Variants in FXR1 observed in about 807,000 individuals in gnomAD.
FXR1 encodes FMR1 autosomal homolog 1, also known as RNA-binding protein FXR1.
FXR1 carries 15 observed loss-of-function variants against 84.0 expected under a neutral mutation model. That is an observed-to-expected ratio of 0.18 (90% CI 0.12 to 0.27). The LOEUF (loss-of-function observed/expected upper bound fraction) is 0.27, where lower values mean the gene tolerates loss of function less well. Among genes scored for constraint, FXR1 ranks in the 10% least tolerant of loss-of-function variants. The probability of loss-of-function intolerance (pLI) is 1.00; values close to 1 mark genes in which losing one functional copy is unlikely to be tolerated. For synonymous variants in FXR1, 245 were observed against 250.7 expected, an observed-to-expected ratio of 0.98 and a Z score of 0.21; for missense variants, 480 against 774.4, an observed-to-expected ratio of 0.62 and a Z score of 4.51.
chr3:180,929,406 CATT>C (rs1162279449), intron 1 of FXR1, among the ~76,000 whole-genome samples: 3 of 152,082 alleles, frequency 2.0e-5, no homozygotes, highest in South Asian at 2.1e-4. Flanking sequence ...CAAATGTAAA[CATT>C]ATTGGACTGT....
At chr3:180,957,953 C>T (rs749861166) in intron 10 of FXR1, 25 bp downstream of exon 10, 1 of 1,063,514 alleles carries the variant, frequency 9.4e-7, no homozygotes, top group Non-Finnish European at 1.4e-6. Context: ...TGTAATCTGC[C>T]TCTTTAAAAT....
At chr3:180,914,322 A>C (rs1481962176) in intron 1 of FXR1, among the ~76,000 whole-genome samples, 1 of 152,116 alleles carries the variant, frequency 6.6e-6, no homozygotes, top group Admixed American at 6.6e-5. Context: ...AGACTTATCT[A>C]TGTTTTTCCT....
At chr3:180,956,430 G>A (rs1371364075) in intron 9 of FXR1, among the ~76,000 whole-genome samples, 1 of 152,172 alleles carries the variant, frequency 6.6e-6, no homozygotes, top group Non-Finnish European at 1.5e-5. Flanking sequence ...TTGCAGGTAG[G>A]TTCCTGCCAA....
chr3:180,923,927 G>T (rs1346238892), intron 1 of FXR1, among the ~76,000 whole-genome samples: 1 of 152,050 alleles, frequency 6.6e-6, no homozygotes, highest in African/African-American at 2.4e-5. Context: ...TGATCACCCA[G>T]ATCTGGGAGA....
At position 180,935,179 on chromosome 3, in the gene FXR1, T is replaced by TACC. The variant is rs760397016; in HGVS notation, c.156_158dup (p.Pro53dup). ...CAGGTTCCATTTAATGAAGTTAGAT[T>TACC]ACCACCACCACCTGATATAAAAAAA... is the stretch of plus-strand genomic sequence containing the variant. On this transcript the variant is annotated inframe_insertion, in exon 3 of 17. Transcript: ENST00000357559. 2 of 1,585,246 alleles carry TACC rather than the reference T, an allele frequency of 1.3e-6. No homozygotes were observed. Among genetic ancestry groups the TACC allele is most frequent in the Non-Finnish European group, 1.7e-6 (2 of 1,154,046 alleles).
chr3:180,914,697 AT>A, intron 1 of FXR1: 3 of 779,210 alleles, frequency 3.9e-6, no homozygotes, highest in Non-Finnish European at 4.7e-6. Flanking sequence ...ACTCTGAAGT[AT>A]TTATAATTGA....
chr3:180,950,602 T>C (rs1243763491), intron 7 of FXR1, among the ~76,000 whole-genome samples: 2 of 152,178 alleles, frequency 1.3e-5, no homozygotes, highest in African/African-American at 4.8e-5. Flanking sequence ...TCTCATCTTG[T>C]AAAACTGCAA....
intron 1 of FXR1, among the ~76,000 whole-genome samples, chr3:180,925,970 C>T (rs1309880988): frequency 6.6e-6 from 1 of 152,126 alleles, no homozygotes; most frequent in African/African-American, 2.4e-5. Context: ...AGGAAAGACC[C>T]TTCACTATCT....
intron 1 of FXR1, among the ~76,000 whole-genome samples, chr3:180,916,976 A>G (rs905752509): frequency 1.3e-5 from 2 of 152,134 alleles, no homozygotes; most frequent in African/African-American, 4.8e-5. Flanking sequence ...CTGGTATTTC[A>G]GGGACGCACC....
intron 1 of FXR1, 146 bp downstream of exon 1, chr3:180,912,882 C>A: frequency 6.9e-7 from 1 of 1,442,678 alleles, no homozygotes. Flanking sequence ...CTTCTCCCCC[C>A]TCCACCCGCG....
rs1711548138 is a variant in FXR1, at chr3:180,957,985, A to G, written c.990+57A>G. ...AAATGTCCTTTTTTTGGCCAACTTAATAGTTGTAAACATTTTGTCTGTTTT... is the reference window on the plus strand; with the variant it reads ...AAATGTCCTTTTTTTGGCCAACTTAGTAGTTGTAAACATTTTGTCTGTTTT... On this transcript the variant is annotated intron_variant, in intron 10 of 16. Coordinates refer to ENST00000357559, the MANE Select transcript of FXR1 (RefSeq NM_005087.4). 8.1e-6 allele frequency: 6 copies of G among 739,842 alleles called. No individual in the cohort carries two copies. In the South Asian group the frequency reaches 8.7e-5, roughly 11 times the overall value. 45.8% of individuals were successfully genotyped at this position (739,842 alleles called of 1,614,324 possible).
At chr3:180,953,649 T>G in intron 8 of FXR1, 113 bp from the exon 9 acceptor site, 1 of 625,516 alleles carries the variant, frequency 1.6e-6, no homozygotes, top group African/African-American at 1.8e-5. Flanking sequence ...GCATAATCTT[T>G]TAGTAGAACA....
At chr3:180,954,351 G>A (rs994646463) in intron 9 of FXR1, among the ~76,000 whole-genome samples, 96 of 152,192 alleles carry the variant, frequency 6.3e-4, no homozygotes, top group African/African-American at 2.2e-3. Flanking sequence ...TTGTGGGCAG[G>A]AGAGAAGGAT....
intron 1 of FXR1, among the ~76,000 whole-genome samples, chr3:180,914,062 G>C (rs1717583570): frequency 6.6e-6 from 1 of 152,186 alleles, no homozygotes; most frequent in Non-Finnish European, 1.5e-5. Flanking sequence ...ATCCCCCTAA[G>C]CTTTTTGCAA....
At chr3:180,953,143 C>T (rs1057482848) in intron 8 of FXR1, among the ~76,000 whole-genome samples, 1 of 152,104 alleles carries the variant, frequency 6.6e-6, no homozygotes, top group South Asian at 2.1e-4. Context: ...TGCATCTGGC[C>T]TTATCTGTGG....
chr3:180,920,227 C>G (rs1718415643), intron 1 of FXR1, among the ~76,000 whole-genome samples: 1 of 151,968 alleles, frequency 6.6e-6, no homozygotes. Flanking sequence ...TTCATGTAAC[C>G]TTTTTGTTTT....
chr3:180,922,733 C>T (rs187846794), intron 1 of FXR1, among the ~76,000 whole-genome samples: 1 of 152,264 alleles, frequency 6.6e-6, no homozygotes, highest in East Asian at 1.9e-4. Context: ...CTGCCTCAGC[C>T]TCTGGAGTAT....
In FXR1 at chr3:180,951,330, G is replaced by A. The variant is rs750391093; in HGVS notation, c.663G>A (p.Glu221=). The A allele has an allele frequency of 1.9e-6, 3 of 1,608,198 alleles. No homozygotes were observed. The Admixed American group carries it at 5.0e-5, about 27-fold the overall frequency. ...AACAACTTGCAGCAGCTTTTCATGAGGAATTTGTTGTGAGAGAAGATTTAA... is the reference window on the plus strand; with the variant it reads ...AACAACTTGCAGCAGCTTTTCATGAAGAATTTGTTGTGAGAGAAGATTTAA... ...CTKQLAAAFH[E]EFVVREDLMG... is the part of the protein sequence containing the mutation. The change falls in exon 8 of 17, where the codon GAG becomes GAA. Residue 221 remains glutamate (E), a synonymous_variant. Coordinates refer to ENST00000357559, the MANE Select transcript of FXR1 (RefSeq NM_005087.4).
chr3:180,936,626 A>C (rs1720557312), intron 3 of FXR1, among the ~76,000 whole-genome samples: 2 of 152,332 alleles, frequency 1.3e-5, no homozygotes, highest in Non-Finnish European at 2.9e-5. Flanking sequence ...TATGCTAGGA[A>C]GTCAAAAATT....
Sources: gnomAD v4.1 joint callset for allele counts (sites outside exome capture counted in the v4.1 genomes callset) on GRCh38, gnomAD v4.1.1 for gene constraint, MANE v1.5 for transcripts, NCBI Gene and HGNC (gene_info 2026-07-23, HGNC 2026-07-21) for gene names.